The following MSH5 variants were observed in gnomAD, a reference collection of about 807,000 sequenced individuals.
The protein encoded by MSH5 is mutS homolog 5.
A neutral mutation model predicts 107.7 loss-of-function variants in MSH5; 78 were observed. The observed-to-expected ratio is 0.72, with a 90% CI of 0.60 to 0.87. The LOEUF is 0.87. MSH5 is among the 40% of genes least tolerant of loss of function. The probability of loss-of-function intolerance (pLI) is 0.00; values close to 1 mark genes in which losing one functional copy is unlikely to be tolerated. For synonymous variants in MSH5, 326 were observed against 399.5 expected, an observed-to-expected ratio of 0.82 and a Z score of 2.19; for missense variants, 889 against 1,046.6, an observed-to-expected ratio of 0.85 and a Z score of 2.08.
chr6:31,754,303 C>T (rs989267437), intron 12 of MSH5, among the ~76,000 whole-genome samples: 2 of 151,792 alleles, frequency 1.3e-5, no homozygotes, highest in African/African-American at 4.8e-5. Context: ...GTGCCCACCA[C>T]CACACTGGAG....
At position 31,760,621 on chromosome 6, in the gene MSH5, T is replaced by C; in HGVS notation, c.1813-69T>C. On this transcript the variant is annotated intron_variant, in intron 19 of 24. Transcript: ENST00000375750. This position sits in a 1 kb window ranked among gnomAD's most constrained non-coding sequence, Gnocchi z 5.6. ...CCATTTCTCTTTGATGTGCCATTCATGCCTTGAGCCTCACTTTCACCTCAG... is the reference window on the plus strand; with the variant it reads ...CCATTTCTCTTTGATGTGCCATTCACGCCTTGAGCCTCACTTTCACCTCAG... The C allele has an allele frequency of 6.3e-7, 1 of 1,594,470 alleles. No individual in the cohort carries two copies. Among genetic ancestry groups the C allele is most frequent in the African/African-American group, 1.3e-5 (1 of 74,686 alleles).
In MSH5 at chr6:31,760,784, A is replaced by G. The variant is rs754134814; in HGVS notation, c.1907A>G (p.His636Arg). 3.7e-6 allele frequency: 6 copies of G among 1,613,038 alleles called. No individual in the cohort carries two copies. Among genetic ancestry groups the G allele is most frequent in the South Asian group, 2.2e-5 (2 of 91,080 alleles). The change falls in exon 20 of 25, where the codon CAT becomes CGT. Residue 636 changes from histidine to arginine, a missense_variant. Physicochemically the swap from His to Arg is conservative, Grantham distance 29. Coordinates refer to ENST00000375750, the MANE Select transcript of MSH5 (RefSeq NM_172166.4). The surrounding 1 kb of genome is among the most constrained non-coding windows in gnomAD (Gnocchi z 5.6). ...GAVDAIFTRI[H>R]SCESISLGLS... Reference sequence around the variant, plus strand: ...GTAGACGCCATCTTCACACGAATTCATAGCTGCGAATCCATCTCCCTTGGC... The same window carrying G: ...GTAGACGCCATCTTCACACGAATTCGTAGCTGCGAATCCATCTCCCTTGGC...
At chr6:31,741,974 G>T (rs536726333) in intron 3 of MSH5, among the ~76,000 whole-genome samples, 2 of 152,108 alleles carry the variant, frequency 1.3e-5, no homozygotes, top group South Asian at 4.2e-4. Flanking sequence ...AACTAATAGA[G>T]TGAGAACCTC....
chr6:31,759,205 G>C lies in MSH5; in HGVS notation c.1407+28G>C, dbSNP rs766535167. ...AAGACCCTCAACCTCTGTAAGGTGA[G>C]TGATGAGGAAAATGAGTCAGCAGCT... On this transcript the variant is annotated intron_variant, in intron 16 of 24. Coordinates refer to ENST00000375750, the MANE Select transcript of MSH5 (RefSeq NM_172166.4). The surrounding 1 kb of genome is among the most constrained non-coding windows in gnomAD (Gnocchi z 4.7). The C allele has an allele frequency of 1.3e-6, 2 of 1,596,478 alleles. No individual in the cohort carries two copies. Among genetic ancestry groups the C allele is most frequent in the Non-Finnish European group, 1.7e-6 (2 of 1,165,288 alleles).
In MSH5 at chr6:31,758,467, C is replaced by A; in HGVS notation, c.1144-81C>A. ...GAGGGTGAGAGTTAAAGGAGGACTG[C>A]AGGGAGAATTGGGGCCCAAGGAGAG... On this transcript the variant is annotated intron_variant, in intron 13 of 24. Transcript: ENST00000375750. This position sits in a 1 kb window ranked among gnomAD's most constrained non-coding sequence, Gnocchi z 5.1. 1 of 1,572,184 alleles carries A rather than the reference C, an allele frequency of 6.4e-7. No homozygotes were observed. Among genetic ancestry groups the A allele is most frequent in the Non-Finnish European group, 8.7e-7 (1 of 1,144,656 alleles).
intron 10 of MSH5, among the ~76,000 whole-genome samples, chr6:31,751,207 A>T (rs1023661499): frequency 6.6e-6 from 1 of 152,156 alleles, no homozygotes; most frequent in Non-Finnish European, 1.5e-5. Flanking sequence ...CGCGTTAGCC[A>T]GGATGGTCTT....
intron 12 of MSH5, among the ~76,000 whole-genome samples, chr6:31,757,238 G>A (rs961641766): frequency 3.3e-5 from 5 of 151,964 alleles, no homozygotes; most frequent in African/African-American, 9.7e-5. Context: ...TCTGCCTCCC[G>A]GGTTCGCGCC....
Position 31,760,595 on chromosome 6 carries a change from TC to T in MSH5, c.1813-93del. On this transcript the variant is annotated intron_variant, in intron 19 of 24. Transcript: ENST00000375750. The surrounding 1 kb of genome is among the most constrained non-coding windows in gnomAD (Gnocchi z 5.6). ...TACCTATTTCTCCTGTTTCACCCTG[TC>T]CATTTCTCTTTGATGTGCCATTCAT... 6.7e-7 allele frequency: 1 copy of T among 1,494,978 alleles called. No homozygotes were observed. The highest frequency in any genetic ancestry group is 9.3e-7 in the Non-Finnish European group (1 of 1,075,700). 92.6% of individuals were successfully genotyped at this position (1,494,978 alleles called of 1,614,324 possible).
At chr6:31,746,514 C>T (rs1029344270) in intron 9 of MSH5, among the ~76,000 whole-genome samples, 6 of 151,960 alleles carry the variant, frequency 3.9e-5, no homozygotes, top group Admixed American at 1.3e-4. Context: ...TTTAGGCTCA[C>T]TGCAACCTCC....
chr6:31,743,887 T>C lies in MSH5; in HGVS notation c.416-17T>C. On this transcript the variant is annotated splice_polypyrimidine_tract_variant and intron_variant, in intron 5 of 24. Transcript: ENST00000375750. Reference sequence around the variant, plus strand: ...TGAGCTACAAGACCGTTCCCTTTGCTTGCCTCCCTCAAATAGGTCTGGAGA... The same window carrying C: ...TGAGCTACAAGACCGTTCCCTTTGCCTGCCTCCCTCAAATAGGTCTGGAGA... The C allele has an allele frequency of 6.2e-7, 1 of 1,612,270 alleles. No individual in the cohort carries two copies. Among genetic ancestry groups the C allele is most frequent in the Non-Finnish European group, 8.5e-7 (1 of 1,179,666 alleles).
In MSH5 at chr6:31,744,546, G is replaced by T. The variant is rs767345603; in HGVS notation, c.648G>T (p.Leu216Phe). Residue 216 changes from leucine to phenylalanine, a missense_variant and splice_region_variant, in exon 8 of 25, where the codon TTG becomes TTT. Leu to Phe is a conservative substitution (Grantham distance 22). Transcript: ENST00000375750. ...VPILGFKKFM[L>F]THLVNIDQDT... ...CTGCTTTTTTGTTTTCTGTCCTCAG[G>T]ACTCATCTGGTGAACATAGATCAAG... The T allele has an allele frequency of 6.2e-7, 1 of 1,613,284 alleles. No individual in the cohort carries two copies. Among genetic ancestry groups the T allele is most frequent in the African/African-American group, 1.3e-5 (1 of 74,920 alleles).
chr6:31,743,960 G>C lies in MSH5; in HGVS notation c.472G>C (p.Ala158Pro). The C allele has an allele frequency of 6.2e-7, 1 of 1,613,742 alleles. No homozygotes were observed. The highest frequency in any genetic ancestry group is 1.1e-5 in the South Asian group (1 of 91,082). The change falls in exon 6 of 25, where the codon GCC becomes CCC. Residue 158 changes from alanine (A) to proline (P), a missense_variant. Ala to Pro is a conservative substitution (Grantham distance 27). Transcript: ENST00000375750. The part of the protein sequence containing the change: ...LSGNYSFIPD[A>P]MTATEKILFL... The stretch of plus-strand genomic sequence containing the variant: ...TGGAAACTACTCCTTCATCCCAGAC[G>C]CCATGACTGCCACTGAGAAAATCCT...
chr6:31,752,546 C>A (rs2151359912), intron 10 of MSH5, among the ~76,000 whole-genome samples: 1 of 152,046 alleles, frequency 6.6e-6, no homozygotes, highest in East Asian at 1.9e-4. Flanking sequence ...ATAGTGAAAC[C>A]CTGACTCTAC....
intron 10 of MSH5, among the ~76,000 whole-genome samples, chr6:31,747,991 A>G (rs1403531210): frequency 8.7e-6 from 1 of 115,438 alleles, no homozygotes; most frequent in Admixed American, 9.6e-5. Context: ...CAACAGAGTG[A>G]GACTCCGTCT....
Position 31,762,671 on chromosome 6 carries a change from A to C in MSH5, c.*140A>C, listed in dbSNP as rs562748962. 5.0e-6 allele frequency: 3 copies of C among 599,370 alleles called. No homozygotes were observed. The East Asian group carries it at 8.4e-5, about 17-fold the overall frequency. 37.1% of individuals were successfully genotyped at this position (599,370 alleles called of 1,614,324 possible). A position where few individuals can be genotyped will look rare whatever the true frequency, so the allele number is the denominator to read the frequency against. On this transcript the variant is annotated 3_prime_UTR_variant, in exon 25 of 25. Transcript: ENST00000375750. ...CATATTAGGAATAAAGTTTATTTTG[A>C]AGAAAGATATTGTTTCTTTAGTCTC...
Position 31,761,592 on chromosome 6 carries a change from C to T in MSH5, c.2158C>T (p.Gln720Ter). The change falls in exon 22 of 25, where the codon CAA becomes TAA. Residue 720 changes from glutamine (Q) to a stop codon, truncating the protein, a stop_gained. Coordinates refer to ENST00000375750, the MANE Select transcript of MSH5 (RefSeq NM_172166.4). LOFTEE classifies it high-confidence loss of function. The surrounding 1 kb of genome is among the most constrained non-coding windows in gnomAD (Gnocchi z 5.3). ...CCTTGTTCAGCTACAACTGCTGCCA[C>T]AAGGGCCCCTGGTGCAGTATTTGGT... ...LSLVQLQLLP[Q>*]GPLVQYLTME... 1 of 1,614,152 alleles carries T rather than the reference C, an allele frequency of 6.2e-7. No individual in the cohort carries two copies. Among genetic ancestry groups the T allele is most frequent in the South Asian group, 1.1e-5 (1 of 91,082 alleles).
At chr6:31,749,211 G>A (rs1809735883) in intron 10 of MSH5, among the ~76,000 whole-genome samples, 2 of 152,106 alleles carry the variant, frequency 1.3e-5, no homozygotes, top group Admixed American at 1.3e-4. Context: ...ACTGTGCCCG[G>A]CCTGGAAAGT....
chr6:31,759,334 GAGTT>G lies in MSH5; in HGVS notation c.1408-88_1408-85del. 6.9e-7 allele frequency: 1 copy of G among 1,457,850 alleles called. No individual in the cohort carries two copies. Among genetic ancestry groups the G allele is most frequent in the Non-Finnish European group, 9.6e-7 (1 of 1,042,306 alleles). The allele number at this position is 1,457,850 out of a possible 1,614,324, so 90.3% of individuals were successfully genotyped here. On this transcript the variant is annotated intron_variant, in intron 16 of 24. Coordinates refer to ENST00000375750, the MANE Select transcript of MSH5 (RefSeq NM_172166.4). The surrounding 1 kb of genome is among the most constrained non-coding windows in gnomAD (Gnocchi z 4.7). ...ACTGAGACAAAGGAAAGAGAAGTCA[GAGTT>G]AGGGGCTGGAGGTGGGGTTAGAAAG...
In MSH5 at chr6:31,762,434, T is replaced by G; in HGVS notation, c.2408T>G (p.Val803Gly). ...KNQMENCQTL[V>G]DKFMKLDLED... is the part of the protein sequence containing the mutation. ...CTCTTCTTCAGTTGCCAGACATTAG[T>G]GGATAAGTTTATGAAACTGGATTTG... The change falls in exon 25 of 25, where the codon GTG becomes GGG. Residue 803 changes from valine to glycine, a missense_variant. Around this residue, in one of 3 missense-constraint regions of MSH5, gnomAD observed 362 missense variants for 456.2 expected, o/e 0.79. Transcript: ENST00000375750. 6.2e-7 allele frequency: 1 copy of G among 1,613,102 alleles called. No homozygotes were observed. Among genetic ancestry groups the G allele is most frequent in the Non-Finnish European group, 8.5e-7 (1 of 1,179,266 alleles).
Sources: allele counts gnomAD v4.1 joint callset (sites outside exome capture counted in the v4.1 genomes callset), GRCh38; gene constraint gnomAD v4.1.1; regional missense constraint gnomAD v4.1.1; non-coding constraint Gnocchi (gnomAD v3.1); transcripts MANE v1.5; gene names NCBI Gene and HGNC (gene_info 2026-07-23, HGNC 2026-07-21).